Variants in DENND2C observed in about 807,000 individuals in gnomAD.
DENND2C encodes DENN domain-containing protein 2C.
In DENND2C, 72 loss-of-function variants were observed where a neutral mutation model predicts 112.4. The ratio of observed to expected loss-of-function variants is 0.64; its 90% CI spans 0.53 to 0.78. DENND2C has a LOEUF of 0.78. Ranked by LOEUF, DENND2C falls within the 30% of genes least tolerant of loss-of-function variation. The pLI is 0.00. For synonymous variants in DENND2C, 329 were observed against 381.6 expected, an observed-to-expected ratio of 0.86 and a Z score of 1.61; for missense variants, 992 against 1,113.8, an observed-to-expected ratio of 0.89 and a Z score of 1.56.
At chr1:114,647,397 G>A (rs575015332) in intron 2 of DENND2C, among the ~76,000 whole-genome samples, 133 of 150,624 alleles carry the variant, frequency 8.8e-4, no homozygotes, top group Non-Finnish European at 1.4e-3. Context: ...CTCTGTCACC[G>A]AGGCTGGGTG....
At position 114,599,341 on chromosome 1, in the gene DENND2C, G is replaced by A; in HGVS notation, c.2216C>T (p.Pro739Leu). 3 of 1,614,104 alleles carry A rather than the reference G, an allele frequency of 1.9e-6. No individual in the cohort carries two copies. The highest frequency in any genetic ancestry group is 2.5e-6 in the Non-Finnish European group (3 of 1,179,984). Residue 739 changes from proline to leucine, a missense_variant, in exon 16 of 21, where the codon CCT becomes CTT. Transcript: ENST00000393274. ...CAGGATTCCAATAAGGAATGGTGTAGGTGAGCACACGATGTCAATCATAGA... is the reference window on the plus strand; with the variant it reads ...CAGGATTCCAATAAGGAATGGTGTAAGTGAGCACACGATGTCAATCATAGA... ...PASMIDIVCS[P>L]TPFLIGILSC...
intron 2 of DENND2C, among the ~76,000 whole-genome samples, chr1:114,645,868 A>C (rs1035079116): frequency 6.6e-6 from 1 of 152,050 alleles, no homozygotes; most frequent in African/African-American, 2.4e-5. Context: ...GTAATAATTG[A>C]TATATTATGA....
intron 2 of DENND2C, among the ~76,000 whole-genome samples, chr1:114,646,427 T>G (rs886139558): frequency 6.6e-6 from 1 of 152,130 alleles, no homozygotes; most frequent in Admixed American, 6.6e-5. Flanking sequence ...AAAAAACTAG[T>G]GTGCGATATA....
chr1:114,637,822 T>C (rs1420924372), intron 3 of DENND2C, among the ~76,000 whole-genome samples: 3 of 152,132 alleles, frequency 2.0e-5, no homozygotes, highest in Admixed American at 6.6e-5. Context: ...GCTAGGAATA[T>C]TCAACTTTGT....
At chr1:114,631,731 G>A (rs906687864) in intron 3 of DENND2C, among the ~76,000 whole-genome samples, 1 of 152,020 alleles carries the variant, frequency 6.6e-6, no homozygotes, top group Non-Finnish European at 1.5e-5. Flanking sequence ...GCAGTGAGCC[G>A]AGATTGTGAC....
chr1:114,658,077 T>C (rs375515626), intron 1 of DENND2C, among the ~76,000 whole-genome samples: 15 of 152,192 alleles, frequency 9.9e-5, no homozygotes, highest in African/African-American at 3.6e-4. Context: ...TTCCATCTGA[T>C]GGCTTCTATT....
At chr1:114,631,388 T>A (rs1253584559) in intron 3 of DENND2C, among the ~76,000 whole-genome samples, 1 of 151,636 alleles carries the variant, frequency 6.6e-6, no homozygotes, top group Non-Finnish European at 1.5e-5. Flanking sequence ...TTAAAAAAAA[T>A]AAAATGAAAT....
At chr1:114,656,119 G>C (rs1012318733) in intron 1 of DENND2C, among the ~76,000 whole-genome samples, 3 of 151,710 alleles carry the variant, frequency 2.0e-5, no homozygotes, top group African/African-American at 4.8e-5. Flanking sequence ...CCAGGCTGGA[G>C]TGCAATGGTA....
intron 11 of DENND2C, among the ~76,000 whole-genome samples, chr1:114,604,585 T>C (rs776591368): frequency 4.6e-5 from 7 of 152,176 alleles, no homozygotes; most frequent in East Asian, 1.9e-4. Context: ...TGTTTCTAGG[T>C]TGAGTCTCAA....
At chr1:114,598,161 T>G (rs1438625369) in intron 16 of DENND2C, among the ~76,000 whole-genome samples, 12 of 152,222 alleles carry the variant, frequency 7.9e-5, no homozygotes, top group Non-Finnish European at 1.6e-4. Flanking sequence ...GTGTATGCAC[T>G]GAGGGTCATG....
At chr1:114,633,930 A>AAGATCTGTT (rs2101674880) in intron 3 of DENND2C, among the ~76,000 whole-genome samples, 1 of 152,372 alleles carries the variant, frequency 6.6e-6, no homozygotes, top group East Asian at 1.9e-4. Flanking sequence ...TAGATCTGTT[A>AAGATCTGTT]AAGAGACATA....
chr1:114,641,946 T>TA (rs1656848297), intron 3 of DENND2C, among the ~76,000 whole-genome samples: 2 of 152,126 alleles, frequency 1.3e-5, no homozygotes, highest in South Asian at 4.1e-4. Flanking sequence ...TATACACACA[T>TA]ATATGTATAT....
At chr1:114,646,435 A>G (rs138263235) in intron 2 of DENND2C, among the ~76,000 whole-genome samples, 1 of 152,324 alleles carries the variant, frequency 6.6e-6, no homozygotes, top group African/African-American at 2.4e-5. Context: ...AGTGTGCGAT[A>G]TATTTTCATG....
intron 2 of DENND2C, among the ~76,000 whole-genome samples, chr1:114,653,011 G>A (rs1458090563): frequency 2.0e-5 from 3 of 151,958 alleles, no homozygotes; most frequent in Non-Finnish European, 2.9e-5. Context: ...GAATCTTTTC[G>A]ATCCGTGATT....
intron 20 of DENND2C, 135 bp downstream of exon 20, chr1:114,587,252 G>A: frequency 1.1e-6 from 1 of 901,798 alleles, no homozygotes; most frequent in Non-Finnish European, 1.8e-6. Flanking sequence ...TCACTATGTT[G>A]CCCACGCTGG....
intron 3 of DENND2C, among the ~76,000 whole-genome samples, chr1:114,636,606 C>T (rs1320923343): frequency 4.6e-5 from 7 of 151,880 alleles, no homozygotes; most frequent in African/African-American, 9.7e-5. Flanking sequence ...TCTGAGAGGT[C>T]GAGGCTGCAG....
At chr1:114,627,418 T>C (rs922419852) in intron 3 of DENND2C, among the ~76,000 whole-genome samples, 1 of 152,220 alleles carries the variant, frequency 6.6e-6, no homozygotes, top group Non-Finnish European at 1.5e-5. Flanking sequence ...TCTGTCAGTA[T>C]AGCTGACCAA....
chr1:114,583,163 C>T lies in DENND2C; in HGVS notation c.*2437G>A, dbSNP rs1654943918. ...ATGGAGAGATGTCTAGTAGAAGCCCCACTGGGGGTAACCTGCTTAACATTA... is the reference window on the plus strand; with the variant it reads ...ATGGAGAGATGTCTAGTAGAAGCCCTACTGGGGGTAACCTGCTTAACATTA... On this transcript the variant is annotated 3_prime_UTR_variant, in exon 21 of 21. Coordinates refer to ENST00000393274, the MANE Select transcript of DENND2C (RefSeq NM_001256404.2). The T allele has an allele frequency of 6.6e-6, 1 of 152,116 alleles. No homozygotes were observed. 9.4% of individuals were successfully genotyped at this position (152,116 alleles called of 1,614,324 possible).
At position 114,615,264 on chromosome 1, in the gene DENND2C, A is replaced by C. The variant is rs139321322; in HGVS notation, c.1324+3122T>G. The stretch of plus-strand genomic sequence containing the variant: ...GCACGAGTTTTCATTTTCTATGTCT[A>C]GTTTTAAATAACACACAAAAATACC... On this transcript the variant is annotated intron_variant, in intron 8 of 20. Coordinates refer to ENST00000393274, the MANE Select transcript of DENND2C (RefSeq NM_001256404.2). Among the ~76,000 whole-genome samples the C allele has an allele frequency of 4.0e-3, 606 of 152,338 alleles. 4 individuals carry two copies. Among genetic ancestry groups the C allele is most frequent in the African/African-American group, 0.014 (577 of 41,582 alleles).
Sources: allele counts gnomAD v4.1 joint callset (sites outside exome capture counted in the v4.1 genomes callset), GRCh38; gene constraint gnomAD v4.1.1; transcripts MANE v1.5; gene names NCBI Gene and HGNC (gene_info 2026-07-23, HGNC 2026-07-21).